The following TMSB15B variants were observed in gnomAD, a reference collection of about 807,000 sequenced individuals.
The protein encoded by TMSB15B is thymosin beta 15B.
intron 1 of TMSB15B, among the ~76,000 whole-genome samples, chrX:103,925,883 T>C (rs1259482845): frequency 8.9e-6 from 1 of 111,970 alleles, no homozygotes; most frequent in Non-Finnish European, 1.9e-5. Context: ...AACATTTACC[T>C]CACTACCTGT....
At chrX:103,934,963 T>G (rs1556320963) in intron 1 of TMSB15B, among the ~76,000 whole-genome samples, 1 of 112,422 alleles carries the variant, frequency 8.9e-6, no homozygotes, top group African/African-American at 3.2e-5. Context: ...ACCAACAGTG[T>G]AAAAGCATTC....
chrX:103,945,434 T>C (rs782618873), intron 1 of TMSB15B, among the ~76,000 whole-genome samples: 20 of 111,629 alleles, frequency 1.8e-4, no homozygotes, highest in Non-Finnish European at 3.0e-4. Context: ...AAACACGAGA[T>C]GCAACCTCAC....
At chrX:103,950,006 C>T (rs2075035004) in intron 1 of TMSB15B, among the ~76,000 whole-genome samples, 1 of 111,216 alleles carries the variant, frequency 9.0e-6, no homozygotes, top group South Asian at 3.8e-4. Flanking sequence ...GACTCATTAG[C>T]CGTGCCCAAT....
At chrX:103,928,928 T>C in intron 1 of TMSB15B, 3 of 1,206,652 alleles carry the variant, frequency 2.5e-6, no homozygotes, top group Non-Finnish European at 3.4e-6. Context: ...CTGGTCATCC[T>C]AAGGTCCAGT....
chrX:103,933,187 G>T (rs1158265927), intron 1 of TMSB15B, among the ~76,000 whole-genome samples: 3 of 111,343 alleles, frequency 2.7e-5, no homozygotes, highest in Non-Finnish European at 3.8e-5. Context: ...GCATATGAGA[G>T]AAAAAGCATA....
At chrX:103,947,649 C>T (rs1225106135) in intron 1 of TMSB15B, among the ~76,000 whole-genome samples, 3 of 111,756 alleles carry the variant, frequency 2.7e-5, no homozygotes, top group Non-Finnish European at 5.6e-5. Flanking sequence ...TGTAAATGAA[C>T]ATAATATGTA....
chrX:103,943,063 TG>T (rs1431494487), intron 1 of TMSB15B, among the ~76,000 whole-genome samples: 1 of 111,761 alleles, frequency 8.9e-6, no homozygotes, highest in Non-Finnish European at 1.9e-5. Context: ...ATTATGATAA[TG>T]GAGATGGAGT....
chrX:103,926,900 C>A (rs181360825), intron 1 of TMSB15B, among the ~76,000 whole-genome samples: 70 of 110,276 alleles, frequency 6.3e-4, no homozygotes, highest in Admixed American at 2.3e-3. Flanking sequence ...TGTCTTCCTG[C>A]CCCACACCCA....
intron 1 of TMSB15B, among the ~76,000 whole-genome samples, chrX:103,938,608 A>C (rs1569448595): frequency 8.9e-6 from 1 of 111,896 alleles, no homozygotes; most frequent in Non-Finnish European, 1.9e-5. Context: ...CTCTTTATCC[A>C]ATTTGCCAGT....
At chrX:103,927,023 A>C (rs1328137668) in intron 1 of TMSB15B, among the ~76,000 whole-genome samples, 1 of 110,569 alleles carries the variant, frequency 9.0e-6, no homozygotes, top group South Asian at 3.9e-4. Flanking sequence ...ATCTGCTCTG[A>C]GCATTCATTT....
chrX:103,950,546 G>A (rs1249675821), intron 1 of TMSB15B, among the ~76,000 whole-genome samples: 2 of 110,417 alleles, frequency 1.8e-5, no homozygotes, highest in Non-Finnish European at 3.8e-5. Context: ...ATCTGTAAAA[G>A]AGATTTGCAT....
At chrX:103,944,517 T>C (rs2075020306) in intron 1 of TMSB15B, among the ~76,000 whole-genome samples, 1 of 112,269 alleles carries the variant, frequency 8.9e-6, no homozygotes, top group Admixed American at 9.4e-5. Context: ...GAATTTGGCA[T>C]GAAAGACTAA....
intron 1 of TMSB15B, among the ~76,000 whole-genome samples, chrX:103,949,624 A>T (rs1556327972): frequency 8.9e-6 from 1 of 112,196 alleles, no homozygotes; most frequent in South Asian, 3.7e-4. Flanking sequence ...AGTAGGAGCA[A>T]TAGGTTTTAA....
chrX:103,922,515 G>C (rs1361481219), intron 1 of TMSB15B, among the ~76,000 whole-genome samples: 3 of 110,093 alleles, frequency 2.7e-5, no homozygotes, highest in African/African-American at 1.0e-4. Context: ...CTTCATCCAT[G>C]TCCCTACAAA....
At chrX:103,927,612 G>A (rs1348838049) in intron 1 of TMSB15B, among the ~76,000 whole-genome samples, 3 of 110,008 alleles carry the variant, frequency 2.7e-5, no homozygotes, top group Admixed American at 9.7e-5. Context: ...TAGAGAAAGC[G>A]TTGCACTTCA....
At chrX:103,932,156 A>G (rs782324266) in intron 1 of TMSB15B, 8 of 112,098 alleles carry the variant, frequency 7.1e-5, no homozygotes, top group African/African-American at 2.3e-4. Flanking sequence ...TGACAAATTA[A>G]TCAAACCCAA....
chrX:103,945,598 C>T (rs1312337052), intron 1 of TMSB15B, among the ~76,000 whole-genome samples: 1 of 112,262 alleles, frequency 8.9e-6, no homozygotes, highest in Non-Finnish European at 1.9e-5. Context: ...CACTGTTACA[C>T]TGGGGACCAA....
intron 1 of TMSB15B, among the ~76,000 whole-genome samples, chrX:103,929,592 G>A (rs1250786520): frequency 8.9e-6 from 1 of 111,951 alleles, no homozygotes; most frequent in African/African-American, 3.2e-5. Flanking sequence ...GCATGAACTC[G>A]TCAGGTGCCA....
intron 1 of TMSB15B, among the ~76,000 whole-genome samples, chrX:103,944,779 C>G (rs2075020994): frequency 8.9e-6 from 1 of 111,945 alleles, no homozygotes; most frequent in Non-Finnish European, 1.9e-5. Context: ...TGTTATAATA[C>G]ATAATATTAC....
Sources: gnomAD v4.1 joint callset for allele counts (sites outside exome capture counted in the v4.1 genomes callset) on GRCh38, gnomAD v4.1.1 for gene constraint, MANE v1.5 for transcripts, NCBI Gene and HGNC (gene_info 2026-07-23, HGNC 2026-07-21) for gene names.